Variants in MYRF observed in about 807,000 individuals in gnomAD.
The protein encoded by MYRF is myelin gene regulatory factor.
MYRF carries 16 observed loss-of-function variants against 126.3 expected under a neutral mutation model. The ratio of observed to expected loss-of-function variants is 0.13; its 90% CI spans 0.09 to 0.19. The LOEUF (loss-of-function observed/expected upper bound fraction) is 0.19, where lower values mean the gene tolerates loss of function less well. Among genes scored for constraint, MYRF ranks in the 10% least tolerant of loss-of-function variants. The pLI is 1.00. For missense variants in MYRF, 1,104 were observed against 1,547.0 expected, an observed-to-expected ratio of 0.71 and a Z score of 4.80; for synonymous variants, 608 against 635.3, an observed-to-expected ratio of 0.96 and a Z score of 0.65.
At chr11:61,771,799 A>G (rs760406912) in intron 6 of MYRF, 30 bp from the exon 7 acceptor site, 1 of 1,613,854 alleles carries the variant, frequency 6.2e-7, no homozygotes, top group Non-Finnish European at 8.5e-7. Context: ...CCCAAGGTGC[A>G]GGGCCCACAT....
rs1453660663 is a variant in MYRF, at chr11:61,771,815, T to C, written c.992-14T>C. 6.2e-7 allele frequency: 1 copy of C among 1,614,006 alleles called. No individual in the cohort carries two copies. Among genetic ancestry groups the C allele is most frequent in the Admixed American group, 1.7e-5 (1 of 60,028 alleles). ...CCAAGGTGCAGGGCCCACATGGGCG[T>C]TCCCTCCCTCCAGGCCTCCTGCAGG... is the stretch of plus-strand genomic sequence containing the variant. On this transcript the variant is annotated splice_polypyrimidine_tract_variant and intron_variant, in intron 6 of 26. Coordinates refer to ENST00000278836, the MANE Select transcript of MYRF (RefSeq NM_001127392.3).
In MYRF at chr11:61,756,894, A is replaced by G. The variant is rs198461; in HGVS notation, c.46+4104A>G. On this transcript the variant is annotated intron_variant, in intron 1 of 26. Transcript: ENST00000278836. The stretch of plus-strand genomic sequence containing the variant: ...TTTTCCCTGGGGGCCTGACTCCCCA[A>G]TTACCAACTCCCAAGGGGTTACAGA... 3.2e-3 allele frequency among the ~76,000 whole-genome samples: 491 copies of G among 151,912 alleles called. 2 individuals are homozygous for G. The highest frequency in any genetic ancestry group is 0.011 in the African/African-American group (441 of 41,416).
Position 61,779,851 on chromosome 11 carries a change from G to A in MYRF, c.2257G>A (p.Val753Met), listed in dbSNP as rs374193411. The A allele has an allele frequency of 4.9e-5, 79 of 1,613,762 alleles. 1 individual carries two copies. In the African/African-American group the frequency reaches 5.1e-4, roughly 10 times the overall value. ...PPKVASKSSS[V>M]VPDQACISQR... ...TCCTCTTGGTCCTCAGTCATCGTCC[G>A]TGGTTCCGGACCAGGCCTGCATCAG... The change falls in exon 17 of 27, where the codon GTG (valine) becomes ATG (methionine). Residue 753 changes from valine (V) to methionine (M), a missense_variant. Physicochemically the swap from Val to Met is conservative, Grantham distance 21. Coordinates refer to ENST00000278836, the MANE Select transcript of MYRF (RefSeq NM_001127392.3).
chr11:61,766,104 G>A lies in MYRF; in HGVS notation c.281G>A (p.Gly94Asp), dbSNP rs2066053689. The A allele has an allele frequency of 6.2e-7, 1 of 1,608,014 alleles. No individual in the cohort carries two copies. The highest frequency in any genetic ancestry group is 2.2e-5 in the East Asian group (1 of 44,872). The part of the protein sequence containing the change: ...PGRHGPLPPP[G>D]YGTPLNCNNN... ...CGCCATGGTCCCCTCCCACCCCCGGGCTACGGCACCCCGCTGAACTGCAAC... is the reference window on the plus strand; with the variant it reads ...CGCCATGGTCCCCTCCCACCCCCGGACTACGGCACCCCGCTGAACTGCAAC... The change falls in exon 3 of 27, where the codon GGC (glycine) becomes GAC (aspartate). Residue 94 changes from glycine (G) to aspartate (D), a missense_variant. Physicochemically the swap from Gly to Asp is moderately conservative, Grantham distance 94. This residue lies in a region of MYRF where 368 missense variants were observed against 403.9 expected (regional missense o/e 0.91). Coordinates refer to ENST00000278836, the MANE Select transcript of MYRF (RefSeq NM_001127392.3).
rs1451200559 is a variant in MYRF at position 61,752,697 on chromosome 11, C to T, written c.-48C>T. The T allele has an allele frequency of 2.3e-6, 3 of 1,286,380 alleles. No individual in the cohort carries two copies. The highest frequency in any genetic ancestry group is 6.3e-5 in the East Asian group (2 of 31,842). 79.7% of individuals were successfully genotyped at this position (1,286,380 alleles called of 1,614,324 possible). On this transcript the variant is annotated 5_prime_UTR_variant, in exon 1 of 27. Coordinates refer to ENST00000278836, the MANE Select transcript of MYRF (RefSeq NM_001127392.3). ...CGCCGGCGATGCCGCGCCCCCGGGC[C>T]GGGCTGTAGCGGGGCCGCGGCTGGA...
In MYRF at chr11:61,757,046, C is replaced by T. The variant is rs1278563327; in HGVS notation, c.46+4256C>T. 2.5e-6 allele frequency: 1 copy of T among 398,808 alleles called. No homozygotes were observed. Among genetic ancestry groups the T allele is most frequent in the African/African-American group, 2.1e-5 (1 of 47,678 alleles). The allele number at this position is 398,808 out of a possible 1,614,324, so 24.7% of individuals were successfully genotyped here. A position where few individuals can be genotyped will look rare whatever the true frequency, so the allele number is the denominator to read the frequency against. On this transcript the variant is annotated intron_variant, in intron 1 of 26. Transcript: ENST00000278836. The surrounding 1 kb of genome is among the most constrained non-coding windows in gnomAD (Gnocchi z 4.7). ...CAGAAATTATTAACTGAATCATTAACTGGGTGGCCCCGCCCTACCCAGGCA... is the reference window on the plus strand; with the variant it reads ...CAGAAATTATTAACTGAATCATTAATTGGGTGGCCCCGCCCTACCCAGGCA...
In MYRF at chr11:61,776,985, G is replaced by A; in HGVS notation, c.1590+108G>A. The A allele has an allele frequency of 1.0e-6, 1 of 1,000,034 alleles. No individual in the cohort carries two copies. The allele number at this position is 1,000,034 out of a possible 1,614,324, so 61.9% of individuals were successfully genotyped here. On this transcript the variant is annotated intron_variant, in intron 11 of 26. Transcript: ENST00000278836. This position sits in a 1 kb window ranked among gnomAD's most constrained non-coding sequence, Gnocchi z 4.3. Reference sequence around the variant, plus strand: ...AGTCAGGAGTGGGCATGCTCATCCTGCTAGGCACTGGCTGTGTGGCCTTGG... The same window carrying A: ...AGTCAGGAGTGGGCATGCTCATCCTACTAGGCACTGGCTGTGTGGCCTTGG...
At position 61,776,530 on chromosome 11, in the gene MYRF, G is replaced by A; in HGVS notation, c.1499+98G>A. On this transcript the variant is annotated intron_variant, in intron 10 of 26. Coordinates refer to ENST00000278836, the MANE Select transcript of MYRF (RefSeq NM_001127392.3). The surrounding 1 kb of genome is among the most constrained non-coding windows in gnomAD (Gnocchi z 4.3). ...CCAGGCACAGAGTCCTACAGGCTGA[G>A]CCATTTCACAGATGAGAGACCTGAG... is the stretch of plus-strand genomic sequence containing the variant. 1 of 1,010,742 alleles carries A rather than the reference G, an allele frequency of 9.9e-7. No homozygotes were observed. The highest frequency in any genetic ancestry group is 1.5e-6 in the Non-Finnish European group (1 of 674,998). 62.6% of individuals were successfully genotyped at this position (1,010,742 alleles called of 1,614,324 possible). A position where few individuals can be genotyped will look rare whatever the true frequency, so the allele number is the denominator to read the frequency against.
chr11:61,782,172 G>A (rs901460838), intron 22 of MYRF: 5 of 259,378 alleles, frequency 1.9e-5, no homozygotes, highest in Non-Finnish European at 3.6e-5. Flanking sequence ...AGCACCAGGA[G>A]GGTGCTATAC....
chr11:61,769,702 C>A (rs927307851), intron 4 of MYRF, among the ~76,000 whole-genome samples: 1 of 152,150 alleles, frequency 6.6e-6, no homozygotes, highest in Non-Finnish European at 1.5e-5. Flanking sequence ...AGAGCAGAAC[C>A]ACCGCGGGAG....
intron 3 of MYRF, chr11:61,767,021 G>C (rs575856633): frequency 6.6e-6 from 3 of 456,658 alleles, no homozygotes; most frequent in African/African-American, 6.0e-5. Flanking sequence ...TTTCTTCTGT[G>C]AAGTGAGCCC....
chr11:61,766,222 G>A lies in MYRF; in HGVS notation c.398+1G>A. The A allele has an allele frequency of 6.2e-7, 1 of 1,603,650 alleles. No homozygotes were observed. Among genetic ancestry groups the A allele is most frequent in the Non-Finnish European group, 8.5e-7 (1 of 1,176,598 alleles). ...AGCCCAAGGCTCCCTATGCCCCAGG[G>A]TGAGTAAGGGCAGGGAGTAGGGGGA... On this transcript the variant is annotated splice_donor_variant, in intron 3 of 26. Transcript: ENST00000278836. LOFTEE classifies it high-confidence loss of function.
chr11:61,771,135 GAGCCCCC>G (rs921337400), intron 5 of MYRF, among the ~76,000 whole-genome samples: 48 of 152,172 alleles, frequency 3.2e-4, no homozygotes, highest in African/African-American at 1.1e-3. Context: ...GCTCTCCATA[GAGCCCCC>G]ACTATAAAGG....
chr11:61,773,907 A>T (rs1304675218), intron 7 of MYRF, 60 bp from the exon 8 acceptor site: 1 of 1,459,962 alleles, frequency 6.8e-7, no homozygotes, highest in Admixed American at 2.1e-5. Flanking sequence ...AGGTAGGAGG[A>T]ACCGATGTTC....
rs149803 is a variant in MYRF at position 61,771,548 on chromosome 11, C to T, written c.789C>T (p.Pro263=). 6.2e-7 allele frequency: 1 copy of T among 1,613,732 alleles called. No homozygotes were observed. The highest frequency in any genetic ancestry group is 8.5e-7 in the Non-Finnish European group (1 of 1,179,894). Residue 263 remains proline, a synonymous_variant, in exon 6 of 27, where the codon CCC becomes CCT. Transcript: ENST00000278836. ...SKKRKHSESP[P]STLNAQMLNG... ...AGAGGAAGCACTCTGAATCCCCCCC[C>T]AGCACCCTCAATGCCCAGATGCTGA...
chr11:61,780,109 G>A, intron 17 of MYRF, 113 bp from the exon 18 acceptor site: 1 of 1,351,032 alleles, frequency 7.4e-7, no homozygotes, highest in South Asian at 1.2e-5. Context: ...GACCCATTTT[G>A]TAGGCATCAC....
intron 7 of MYRF, among the ~76,000 whole-genome samples, chr11:61,772,594 G>A (rs1422643547): frequency 1.3e-5 from 2 of 152,238 alleles, no homozygotes; most frequent in African/African-American, 4.8e-5. Flanking sequence ...CTGGCTGCTG[G>A]GGTGGCTGAA....
In MYRF at chr11:61,762,562, C is replaced by T. The variant is rs1290945052; in HGVS notation, c.47-3063C>T. On this transcript the variant is annotated intron_variant, in intron 1 of 26. Coordinates refer to ENST00000278836, the MANE Select transcript of MYRF (RefSeq NM_001127392.3). ...TGGGAGCAGTGGGGAGGGGCGCTCC[C>T]GAGAGTGTGCCCATGGGACCCTGCC... Among the ~76,000 whole-genome samples, 3 of 152,184 alleles carry T rather than the reference C, an allele frequency of 2.0e-5. No homozygotes were observed. In the South Asian group the frequency reaches 6.2e-4, roughly 32 times the overall value.
chr11:61,752,658 T>C lies in MYRF; in HGVS notation c.-87T>C. The C allele has an allele frequency of 9.2e-7, 1 of 1,083,754 alleles. No individual in the cohort carries two copies. Among genetic ancestry groups the C allele is most frequent in the Non-Finnish European group, 1.2e-6 (1 of 857,912 alleles). 67.1% of individuals were successfully genotyped at this position (1,083,754 alleles called of 1,614,324 possible). A position where few individuals can be genotyped will look rare whatever the true frequency, so the allele number is the denominator to read the frequency against. On this transcript the variant is annotated 5_prime_UTR_variant, in exon 1 of 27. Transcript: ENST00000278836. ...ACCGTAGCCGGAGCCCAGCCGGGACTGTCGCGCGGGCCGCGCCGGCGATGC... is the reference window on the plus strand; with the variant it reads ...ACCGTAGCCGGAGCCCAGCCGGGACCGTCGCGCGGGCCGCGCCGGCGATGC...
Sources: allele counts gnomAD v4.1 joint callset (sites outside exome capture counted in the v4.1 genomes callset), GRCh38; gene constraint gnomAD v4.1.1; regional missense constraint gnomAD v4.1.1; non-coding constraint Gnocchi (gnomAD v3.1); transcripts MANE v1.5; gene names NCBI Gene and HGNC (gene_info 2026-07-23, HGNC 2026-07-21).